SYNGR2: variants seen among roughly 807,000 people sequenced by gnomAD.
SYNGR2 encodes the protein synaptogyrin-2.
In SYNGR2, 11 loss-of-function variants were observed where a neutral mutation model predicts 18.7. The ratio of observed to expected loss-of-function variants is 0.59; its 90% CI spans 0.37 to 0.97. The LOEUF (loss-of-function observed/expected upper bound fraction) is 0.97. Among genes scored for constraint, SYNGR2 ranks in the 50% least tolerant of loss-of-function variants. The pLI is 0.01. For synonymous variants in SYNGR2, 127 were observed against 131.0 expected, an observed-to-expected ratio of 0.97 and a Z score of 0.21; for missense variants, 253 against 300.7, an observed-to-expected ratio of 0.84 and a Z score of 1.17.
Position 78,171,988 on chromosome 17 carries a change from G to A in SYNGR2, c.*52G>A. ...AGAGAGGGCCCTCCCCTCTGCCCTG[G>A]ACTTTCCCATGAGCCTCCTGGAACT... On this transcript the variant is annotated 3_prime_UTR_variant, in exon 4 of 4. Transcript: ENST00000225777. This position sits in a 1 kb window ranked among gnomAD's most constrained non-coding sequence, Gnocchi z 6.6. The A allele has an allele frequency of 6.2e-7, 1 of 1,604,586 alleles. No homozygotes were observed. Among genetic ancestry groups the A allele is most frequent in the Non-Finnish European group, 8.5e-7 (1 of 1,179,256 alleles).
intron 1 of SYNGR2, 37 bp from the exon 2 acceptor site, chr17:78,170,780 C>T (rs754484960): frequency 6.3e-6 from 10 of 1,577,820 alleles, no homozygotes; most frequent in African/African-American, 2.7e-5. Context: ...GCCCCTCAGG[C>T]GGCCACCAGC....
Position 78,171,861 on chromosome 17 carries a change from G to A in SYNGR2, c.600G>A (p.Val200=), listed in dbSNP as rs1218888114. 5.0e-6 allele frequency: 8 copies of A among 1,613,956 alleles called. No individual in the cohort carries two copies. Among genetic ancestry groups the A allele is most frequent in the South Asian group, 3.3e-5 (3 of 91,082 alleles). Residue 200 remains valine, a synonymous_variant, in exon 4 of 4, where the codon GTG becomes GTA. Coordinates refer to ENST00000225777, the MANE Select transcript of SYNGR2 (RefSeq NM_004710.7). The surrounding 1 kb of genome is among the most constrained non-coding windows in gnomAD (Gnocchi z 6.6). ...TAYASYPGAS[V]DNYQQPPFTQ... is the part of the protein sequence containing the mutation. ...ACGCCTCCTACCCAGGTGCATCTGT[G>A]GACAACTACCAACAGCCACCCTTCA...
chr17:78,171,830 C>A lies in SYNGR2; in HGVS notation c.569C>A (p.Thr190Asn). ...GTTGACCCCACTCCGGACCCCAACA[C>A]TGCCTACGCCTCCTACCCAGGTGCA... ...NYVDPTPDPN[T>N]AYASYPGASV... Residue 190 changes from threonine to asparagine, a missense_variant, in exon 4 of 4, where the codon ACT becomes AAT. Thr to Asn is a moderately conservative substitution (Grantham distance 65, BLOSUM62 0). Coordinates refer to ENST00000225777, the MANE Select transcript of SYNGR2 (RefSeq NM_004710.7). The surrounding 1 kb of genome is among the most constrained non-coding windows in gnomAD (Gnocchi z 6.6). 6.2e-7 allele frequency: 1 copy of A among 1,614,172 alleles called. No homozygotes were observed. The highest frequency in any genetic ancestry group is 8.5e-7 in the Non-Finnish European group (1 of 1,180,014).
intron 1 of SYNGR2, among the ~76,000 whole-genome samples, chr17:78,168,919 C>A (rs1198707708): frequency 2.0e-5 from 3 of 151,756 alleles, no homozygotes; most frequent in African/African-American, 7.2e-5. Context: ...GGTCCCGGGT[C>A]CCGCCACCCA....
intron 1 of SYNGR2, 37 bp from the exon 2 acceptor site, chr17:78,170,780 C>A (rs754484960): frequency 6.3e-7 from 1 of 1,577,938 alleles, no homozygotes; most frequent in South Asian, 1.1e-5. Context: ...GCCCCTCAGG[C>A]GGCCACCAGC....
In SYNGR2 at chr17:78,171,494, A is replaced by C. The variant is rs1598960403; in HGVS notation, c.338-16A>C. ...TCCCTTTCCATGGAACTGACGCTTCACCCGTCCTCCCCCAGCTCTCTGGAC... is the reference window on the plus strand; with the variant it reads ...TCCCTTTCCATGGAACTGACGCTTCCCCCGTCCTCCCCCAGCTCTCTGGAC... On this transcript the variant is annotated splice_polypyrimidine_tract_variant and intron_variant, in intron 2 of 3. Coordinates refer to ENST00000225777, the MANE Select transcript of SYNGR2 (RefSeq NM_004710.7). This position sits in a 1 kb window ranked among gnomAD's most constrained non-coding sequence, Gnocchi z 6.6. 1 of 1,513,162 alleles carries C rather than the reference A, an allele frequency of 6.6e-7. No homozygotes were observed. Among genetic ancestry groups the C allele is most frequent in the South Asian group, 1.3e-5 (1 of 74,396 alleles). The allele number at this position is 1,513,162 out of a possible 1,614,324, so 93.7% of individuals were successfully genotyped here.
chr17:78,170,271 C>G (rs2075648682), intron 1 of SYNGR2: 1 of 154,998 alleles, frequency 6.5e-6, no homozygotes, highest in South Asian at 2.0e-4. Context: ...CCATTCCCCA[C>G]CCCTCCCCGG....
chr17:78,171,966 G>C lies in SYNGR2; in HGVS notation c.*30G>C. 6.2e-7 allele frequency: 1 copy of C among 1,609,464 alleles called. No homozygotes were observed. Among genetic ancestry groups the C allele is most frequent in the Non-Finnish European group, 8.5e-7 (1 of 1,179,874 alleles). On this transcript the variant is annotated 3_prime_UTR_variant, in exon 4 of 4. Transcript: ENST00000225777. This position sits in a 1 kb window ranked among gnomAD's most constrained non-coding sequence, Gnocchi z 6.6. ...CGGTTAGCGTGGGAAGGGGGACAGA[G>C]AGGGCCCTCCCCTCTGCCCTGGACT... is the stretch of plus-strand genomic sequence containing the variant.
In SYNGR2 at chr17:78,172,038, C is replaced by G. The variant is rs1251734848; in HGVS notation, c.*102C>G. On this transcript the variant is annotated 3_prime_UTR_variant, in exon 4 of 4. Coordinates refer to ENST00000225777, the MANE Select transcript of SYNGR2 (RefSeq NM_004710.7). ...TGCCAGCCCCTCTCTTTCACCTGTT[C>G]CATCCTGTGCAGCTGACACACAGCT... is the stretch of plus-strand genomic sequence containing the variant. The G allele has an allele frequency of 6.4e-7, 1 of 1,570,064 alleles. No individual in the cohort carries two copies. The highest frequency in any genetic ancestry group is 1.1e-5 in the South Asian group (1 of 88,234).
In SYNGR2 at chr17:78,170,958, G is replaced by A. The variant is rs1347137961; in HGVS notation, c.241G>A (p.Ala81Thr). Residue 81 changes from alanine (A) to threonine (T), a missense_variant, in exon 2 of 4, where the codon GCC becomes ACC. By Grantham distance (58) the Ala-to-Thr change is moderately conservative (BLOSUM62 0). Transcript: ENST00000225777. ...TGCCATCGGGGTGCTGGCCTTCCTG[G>A]CCTCGGCCTTCTTCTTGGTGGTCGA... ...GSAIGVLAFL[A>T]SAFFLVVDAY... is the part of the protein sequence containing the mutation. 2 of 1,613,270 alleles carry A rather than the reference G, an allele frequency of 1.2e-6. No individual in the cohort carries two copies. The highest frequency in any genetic ancestry group is 1.7e-6 in the Non-Finnish European group (2 of 1,180,016).
At position 78,168,704 on chromosome 17, in the gene SYNGR2, G is replaced by A. The variant is rs549971178; in HGVS notation, c.88G>A (p.Ala30Thr). 586 of 1,201,272 alleles carry A rather than the reference G, an allele frequency of 4.9e-4. No individual in the cohort carries two copies. Among genetic ancestry groups the A allele is most frequent in the South Asian group, 1.9e-3 (45 of 24,072 alleles). 74.4% of individuals were successfully genotyped at this position (1,201,272 alleles called of 1,614,324 possible). A position where few individuals can be genotyped will look rare whatever the true frequency, so the allele number is the denominator to read the frequency against. The change falls in exon 1 of 4, where the codon GCC becomes ACC. Residue 30 changes from alanine (A) to threonine (T), a missense_variant. Coordinates refer to ENST00000225777, the MANE Select transcript of SYNGR2 (RefSeq NM_004710.7). ...GACGCAGCCGCAGGTGGTGGCGCGC[G>A]CCGTGTGCTTGGTGAGCCCGGGGAG... ...FLTQPQVVARAVCLVFALIVF... is the reference protein window; with the variant it reads ...FLTQPQVVARTVCLVFALIVF...
chr17:78,171,351 G>C lies in SYNGR2; in HGVS notation c.338-159G>C. 1 of 898,468 alleles carries C rather than the reference G, an allele frequency of 1.1e-6. No individual in the cohort carries two copies. The highest frequency in any genetic ancestry group is 2.7e-4 in the Middle Eastern group (1 of 3,682). The allele number at this position is 898,468 out of a possible 1,614,324, so 55.7% of individuals were successfully genotyped here. On this transcript the variant is annotated intron_variant, in intron 2 of 3. Transcript: ENST00000225777. This position sits in a 1 kb window ranked among gnomAD's most constrained non-coding sequence, Gnocchi z 6.6. Reference sequence around the variant, plus strand: ...ACCCTGCCAAGGCCCGAGTGTGGGGGACTTTGGAGGTGGCTCCCGGCCCGG... The same window carrying C: ...ACCCTGCCAAGGCCCGAGTGTGGGGCACTTTGGAGGTGGCTCCCGGCCCGG...
Position 78,171,090 on chromosome 17 carries a change from GA to G in SYNGR2, c.337+37del. 6.3e-7 allele frequency: 1 copy of G among 1,599,742 alleles called. No individual in the cohort carries two copies. The highest frequency in any genetic ancestry group is 8.5e-7 in the Non-Finnish European group (1 of 1,169,806). Reference sequence around the variant, plus strand: ...GTGGCACCTCCATTTGATCTTGGGGGAGGCATTAACTCTAGGGTTCCGCAGC... The same window carrying G: ...GTGGCACCTCCATTTGATCTTGGGGGGGCATTAACTCTAGGGTTCCGCAGC... On this transcript the variant is annotated intron_variant, in intron 2 of 3. Coordinates refer to ENST00000225777, the MANE Select transcript of SYNGR2 (RefSeq NM_004710.7). This position sits in a 1 kb window ranked among gnomAD's most constrained non-coding sequence, Gnocchi z 6.6.
Position 78,168,596 on chromosome 17 carries a change from G to A in SYNGR2, c.-21G>A, listed in dbSNP as rs2075634984. On this transcript the variant is annotated 5_prime_UTR_variant, in exon 1 of 4. Transcript: ENST00000225777. ...AGGTTCCTCTGCGTTCCGCGGCGGC[G>A]GCAGCGGCGGCGACGGCGACATGGA... 5.9e-6 allele frequency: 7 copies of A among 1,183,014 alleles called. No individual in the cohort carries two copies. Among genetic ancestry groups the A allele is most frequent in the African/African-American group, 1.6e-5 (1 of 62,512 alleles). The allele number at this position is 1,183,014 out of a possible 1,614,324, so 73.3% of individuals were successfully genotyped here. A position where few individuals can be genotyped will look rare whatever the true frequency, so the allele number is the denominator to read the frequency against.
chr17:78,168,777 G>T, intron 1 of SYNGR2, 62 bp downstream of exon 1: 1 of 1,169,940 alleles, frequency 8.5e-7, no homozygotes, highest in Non-Finnish European at 1.1e-6. Context: ...GCCAGGCCCG[G>T]CGGGGCCCCT....
Position 78,170,853 on chromosome 17 carries a change from G to A in SYNGR2, c.136G>A (p.Glu46Lys). 1.2e-6 allele frequency: 2 copies of A among 1,612,876 alleles called. No individual in the cohort carries two copies. The highest frequency in any genetic ancestry group is 1.7e-6 in the Non-Finnish European group (2 of 1,179,908). ...ALIVFSCIYG[E>K]GYSNAHESKQ... Reference sequence around the variant, plus strand: ...GATCGTGTTCTCCTGCATCTATGGTGAGGGCTACAGCAATGCCCACGAGTC... The same window carrying A: ...GATCGTGTTCTCCTGCATCTATGGTAAGGGCTACAGCAATGCCCACGAGTC... The change falls in exon 2 of 4, where the codon GAG becomes AAG. Residue 46 changes from glutamate to lysine, a missense_variant. Glu to Lys is a moderately conservative substitution (Grantham distance 56). Transcript: ENST00000225777.
chr17:78,168,746 C>G (rs2075636671), intron 1 of SYNGR2, 31 bp downstream of exon 1: 3 of 1,190,106 alleles, frequency 2.5e-6, no homozygotes, highest in Non-Finnish European at 3.1e-6. Flanking sequence ...CCGAGGGCAC[C>G]CTGGGGACCC....
At position 78,172,254 on chromosome 17, in the gene SYNGR2, T is replaced by C; in HGVS notation, c.*318T>C. 1 of 556,532 alleles carries C rather than the reference T, an allele frequency of 1.8e-6. No individual in the cohort carries two copies. Among genetic ancestry groups the C allele is most frequent in the Non-Finnish European group, 3.1e-6 (1 of 319,440 alleles). The allele number at this position is 556,532 out of a possible 1,614,324, so 34.5% of individuals were successfully genotyped here. On this transcript the variant is annotated 3_prime_UTR_variant, in exon 4 of 4. Coordinates refer to ENST00000225777, the MANE Select transcript of SYNGR2 (RefSeq NM_004710.7). ...AAGCCAGCAGGTGCCCATGTGCTAC[T>C]GACAAGTGCCTCAGCTTCCCCCCGG...
At position 78,171,027 on chromosome 17, in the gene SYNGR2, C is replaced by G. The variant is rs1160761550; in HGVS notation, c.310C>G (p.Leu104Val). 1 of 1,613,400 alleles carries G rather than the reference C, an allele frequency of 6.2e-7. No individual in the cohort carries two copies. The highest frequency in any genetic ancestry group is 2.2e-5 in the East Asian group (1 of 44,872). The change falls in exon 2 of 4, where the codon CTG becomes GTG. Residue 104 changes from leucine (L) to valine (V), a missense_variant. Coordinates refer to ENST00000225777, the MANE Select transcript of SYNGR2 (RefSeq NM_004710.7). This position sits in a 1 kb window ranked among gnomAD's most constrained non-coding sequence, Gnocchi z 6.6. ...QISNATDRKYLVIGDLLFSAL... is the reference protein window; with the variant it reads ...QISNATDRKYVVIGDLLFSAL... The stretch of plus-strand genomic sequence containing the variant: ...CAGCAACGCCACTGACCGCAAGTAC[C>G]TGGTCATTGGTGACCTGCTCTTCTC...
Sources: allele counts gnomAD v4.1 joint callset (sites outside exome capture counted in the v4.1 genomes callset), GRCh38; gene constraint gnomAD v4.1.1; non-coding constraint Gnocchi (gnomAD v3.1); transcripts MANE v1.5; gene names NCBI Gene and HGNC (gene_info 2026-07-23, HGNC 2026-07-21).